The following LUZP1 variants were observed in gnomAD, a reference collection of about 807,000 sequenced individuals.
The protein encoded by LUZP1 is filamin mechanobinding actin cross-linking protein.
LUZP1 carries 25 observed loss-of-function variants against 71.3 expected under a neutral mutation model. The observed-to-expected ratio is 0.35, with a 90% CI of 0.26 to 0.49. The LOEUF is 0.49. Ranked by LOEUF, LUZP1 falls within the 20% of genes least tolerant of loss-of-function variation. The probability of loss-of-function intolerance (pLI) is 0.99; values close to 1 mark genes in which losing one functional copy is unlikely to be tolerated. For missense variants in LUZP1, 1,142 were observed against 1,300.8 expected, an observed-to-expected ratio of 0.88 and a Z score of 1.88; for synonymous variants, 481 against 506.4, an observed-to-expected ratio of 0.95 and a Z score of 0.67.
At chr1:23,100,419 G>A (rs1251035646) in intron 3 of LUZP1, among the ~76,000 whole-genome samples, 1 of 152,164 alleles carries the variant, frequency 6.6e-6, no homozygotes, top group African/African-American at 2.4e-5. Flanking sequence ...TGTGCCACTT[G>A]CACAATGTCT....
intron 1 of LUZP1, among the ~76,000 whole-genome samples, chr1:23,173,841 ATGCC>A (rs1205926142): frequency 6.6e-6 from 1 of 152,204 alleles, no homozygotes. Flanking sequence ...AAGAAAGCCC[ATGCC>A]GAGATGATTT....
intron 2 of LUZP1, among the ~76,000 whole-genome samples, chr1:23,119,388 A>C (rs1025095871): frequency 1.3e-5 from 2 of 150,396 alleles, no homozygotes; most frequent in African/African-American, 2.5e-5. Context: ...CCTCCTGATT[A>C]GCTAGGACAT....
chr1:23,121,523 GCC>G (rs2124667607), intron 2 of LUZP1, among the ~76,000 whole-genome samples: 1 of 152,292 alleles, frequency 6.6e-6, no homozygotes, highest in East Asian at 1.9e-4. Flanking sequence ...TTCAAGACTA[GCC>G]TGGGCAACAT....
rs1412652796 is a variant in LUZP1, at chr1:23,093,881, G to A, written c.381C>T (p.Phe127=). The change falls in exon 4 of 5, where the codon TTC becomes TTT. Residue 127 remains phenylalanine (F), a synonymous_variant. Transcript: ENST00000302291. This position sits in a 1 kb window ranked among gnomAD's most constrained non-coding sequence, Gnocchi z 4.2. ...GGGTACAGTCATTCTTACTCCTGCT[G>A]AAGGCCTCTTCTAGCTTCTCTAATT... is the stretch of plus-strand genomic sequence containing the variant. 6.2e-7 allele frequency: 1 copy of A among 1,614,080 alleles called. No homozygotes were observed. The highest frequency in any genetic ancestry group is 8.5e-7 in the Non-Finnish European group (1 of 1,180,034).
At chr1:23,167,236 C>A (rs1297855996) in intron 2 of LUZP1, among the ~76,000 whole-genome samples, 1 of 152,170 alleles carries the variant, frequency 6.6e-6, no homozygotes, top group Non-Finnish European at 1.5e-5. Flanking sequence ...CCCCTCCCTC[C>A]CTAATTTGAG....
At chr1:23,136,947 C>T (rs1280860791) in intron 2 of LUZP1, among the ~76,000 whole-genome samples, 1 of 152,056 alleles carries the variant, frequency 6.6e-6, no homozygotes, top group Non-Finnish European at 1.5e-5. Flanking sequence ...TCCCCAGTTC[C>T]CAGTTAAATG....
intron 2 of LUZP1, among the ~76,000 whole-genome samples, chr1:23,111,579 C>T (rs566702351): frequency 7.2e-5 from 11 of 152,088 alleles, no homozygotes; most frequent in African/African-American, 1.2e-4. Context: ...ATTTTAAAAA[C>T]GATCTATACC....
At chr1:23,111,379 C>T (rs559130941) in intron 2 of LUZP1, among the ~76,000 whole-genome samples, 24 of 149,724 alleles carry the variant, frequency 1.6e-4, no homozygotes, top group Admixed American at 3.3e-4. Context: ...CAAAGCAAGG[C>T]CCCCATCTCT....
chr1:23,102,443 C>T (rs984173327), intron 3 of LUZP1, among the ~76,000 whole-genome samples: 2 of 152,162 alleles, frequency 1.3e-5, no homozygotes, highest in East Asian at 3.9e-4. Context: ...TTCCTGTTCC[C>T]AATAGTCATT....
intron 1 of LUZP1, among the ~76,000 whole-genome samples, chr1:23,176,055 T>C (rs906136899): frequency 6.9e-6 from 1 of 145,056 alleles, no homozygotes; most frequent in Admixed American, 7.3e-5. Flanking sequence ...ACCTTTTACT[T>C]CCTTGACTTT....
intron 2 of LUZP1, among the ~76,000 whole-genome samples, chr1:23,147,441 C>CA (rs536334327): frequency 0.19 from 23,803 of 124,280 alleles, 2,089 homozygotes; most frequent in East Asian, 0.29. Flanking sequence ...GACTCTATCT[C>CA]AAAAAAAAAA....
At chr1:23,129,725 A>G (rs1211630700) in intron 2 of LUZP1, among the ~76,000 whole-genome samples, 1 of 152,206 alleles carries the variant, frequency 6.6e-6, no homozygotes, top group Non-Finnish European at 1.5e-5. Flanking sequence ...CTAGAGAAAC[A>G]AATTCCATCC....
At chr1:23,092,014 A>G (rs1338591724) in exon 4 of LUZP1, 1 of 1,613,952 alleles carries the variant, frequency 6.2e-7, no homozygotes, top group Non-Finnish European at 8.5e-7. Flanking sequence ...CTAGACCGCA[A>G]CGCCTCTCTG....
chr1:23,115,532 G>A (rs1295282399), intron 2 of LUZP1, among the ~76,000 whole-genome samples: 2 of 152,084 alleles, frequency 1.3e-5, no homozygotes, highest in East Asian at 1.9e-4. Flanking sequence ...TCAAAGAACC[G>A]GCTCTGCTAC....
chr1:23,162,337 T>C (rs760985790), intron 2 of LUZP1, among the ~76,000 whole-genome samples: 3 of 152,130 alleles, frequency 2.0e-5, no homozygotes, highest in Admixed American at 6.6e-5. Context: ...CATGGGTATA[T>C]TCAGTTTGTG....
exon 3 of LUZP1, chr1:23,109,028 G>A (rs1644007176): frequency 6.6e-6 from 1 of 152,200 alleles, no homozygotes; most frequent in Admixed American, 6.5e-5. Context: ...TTACCATGTA[G>A]GTAATTCAAG....
intron 2 of LUZP1, among the ~76,000 whole-genome samples, chr1:23,110,291 C>T (rs1644017369): frequency 6.6e-6 from 1 of 152,154 alleles, no homozygotes; most frequent in South Asian, 2.1e-4. Flanking sequence ...CAGGCTTCTA[C>T]AGGAGAGTTG....
chr1:23,156,363 G>C (rs1644420867), intron 2 of LUZP1, among the ~76,000 whole-genome samples: 2 of 152,192 alleles, frequency 1.3e-5, no homozygotes, highest in African/African-American at 4.8e-5. Flanking sequence ...CTGGGCAACA[G>C]AGCGAGACTG....
At chr1:23,117,414 C>A (rs564943452) in intron 2 of LUZP1, among the ~76,000 whole-genome samples, 1 of 126,026 alleles carries the variant, frequency 7.9e-6, no homozygotes, top group African/African-American at 3.0e-5. Flanking sequence ...CATATTAATT[C>A]AATTTTCTTT....
Sources: allele counts gnomAD v4.1 joint callset (sites outside exome capture counted in the v4.1 genomes callset), GRCh38; gene constraint gnomAD v4.1.1; non-coding constraint Gnocchi (gnomAD v3.1); transcripts MANE v1.5; gene names NCBI Gene and HGNC (gene_info 2026-07-23, HGNC 2026-07-21).